CLEC12A: variants seen among roughly 807,000 people sequenced by gnomAD.
CLEC12A encodes the protein C-type lectin protein CLL-1.
Under a neutral mutation model 26.5 loss-of-function variants are expected in CLEC12A, and 22 were observed. The observed-to-expected ratio is 0.83, with a 90% CI of 0.59 to 1.19. The LOEUF is 1.19. Among genes scored for constraint, CLEC12A ranks in the 50% most tolerant of loss-of-function variants. The pLI is 0.00. For missense variants in CLEC12A, 353 were observed against 315.6 expected (o/e 1.12, Z -0.90); for synonymous variants, 119 against 101.9 (o/e 1.17, Z -1.01).
Position 9,980,608 on chromosome 12 carries a change from A to C in CLEC12A, c.406A>C (p.Arg136=). 6.2e-7 allele frequency: 1 copy of C among 1,613,864 alleles called. No individual in the cohort carries two copies. Among genetic ancestry groups the C allele is most frequent in the Non-Finnish European group, 8.5e-7 (1 of 1,179,832 alleles). Residue 136 remains arginine, a synonymous_variant, in exon 4 of 6, where the codon AGA becomes CGA. Transcript: ENST00000304361. ...QEHKCKPCPR[R]WIWHKDSCYF... is the part of the protein sequence containing the mutation. ...GCACAAATGTAAGCCTTGTCCAAGG[A>C]GATGGATTTGGCATAAGGACAGCTG...
intron 4 of CLEC12A, chr12:9,993,087 T>C (rs1250686575): frequency 6.6e-7 from 1 of 1,519,010 alleles, no homozygotes; most frequent in African/African-American, 1.4e-5. Context: ...CATTCATACA[T>C]ATCTTTTATT....
intron 1 of CLEC12A, among the ~76,000 whole-genome samples, chr12:9,972,779 A>C (rs1864178290): frequency 6.6e-6 from 1 of 152,180 alleles, no homozygotes; most frequent in Non-Finnish European, 1.5e-5. Flanking sequence ...CTTCTTTTTT[A>C]ATACTGAAAT....
upstream of CLEC12A, among the ~76,000 whole-genome samples, chr12:9,966,444 G>A (rs1863954031): frequency 6.6e-6 from 1 of 152,168 alleles, no homozygotes; most frequent in African/African-American, 2.4e-5. Flanking sequence ...TTTCCAGTGG[G>A]GTCTTGCACA....
chr12:9,979,739 A>G (rs1864478428), intron 3 of CLEC12A, among the ~76,000 whole-genome samples: 1 of 152,200 alleles, frequency 6.6e-6, no homozygotes, highest in South Asian at 2.1e-4. Flanking sequence ...CCAAATTATC[A>G]GGAGATAATG....
At chr12:9,987,767 T>G (rs1294568223), downstream of CLEC12A, among the ~76,000 whole-genome samples, 1 of 152,074 alleles carries the variant, frequency 6.6e-6, no homozygotes. Flanking sequence ...TTTTGTTTTG[T>G]TTTTAGCCCC....
intron 1 of CLEC12A, among the ~76,000 whole-genome samples, chr12:9,955,139 T>A (rs1170626487): frequency 6.6e-6 from 1 of 152,202 alleles, no homozygotes; most frequent in Non-Finnish European, 1.5e-5. Flanking sequence ...CAGGCTGGAG[T>A]GCAGTGGCCC....
intron 4 of CLEC12A, chr12:9,991,188 A>C (rs1864885399): frequency 6.6e-6 from 1 of 152,202 alleles, no homozygotes; most frequent in Admixed American, 6.6e-5. Flanking sequence ...GACAGAAGTC[A>C]AATTTTGCTG....
At chr12:9,968,241 T>A (rs505594), upstream of CLEC12A, among the ~76,000 whole-genome samples, 87,262 of 151,690 alleles carry the variant, frequency 0.58, 25,398 homozygotes, top group South Asian at 0.72. Flanking sequence ...CCAAGGGAGG[T>A]CCCCTGATCC....
intron 1 of CLEC12A, among the ~76,000 whole-genome samples, chr12:9,956,354 T>C (rs1396862819): frequency 2.6e-5 from 4 of 152,244 alleles, no homozygotes; most frequent in Admixed American, 6.5e-5. Context: ...CATGGAATCA[T>C]ACAATTTGCT....
chr12:9,992,988 G>T, intron 4 of CLEC12A: 2 of 644,006 alleles, frequency 3.1e-6, no homozygotes, highest in East Asian at 2.6e-5. Context: ...ATTCAAAGAA[G>T]GGACTAGGTA....
downstream of CLEC12A, chr12:9,998,249 T>A (rs767930448): frequency 1.9e-6 from 3 of 1,545,888 alleles, no homozygotes; most frequent in Non-Finnish European, 2.7e-6. Flanking sequence ...ATTACCTTCC[T>A]CCAGTCAAAT....
chr12:9,983,679 C>G (rs1286049870), intron 5 of CLEC12A: 3 of 560,276 alleles, frequency 5.4e-6, no homozygotes, highest in East Asian at 2.9e-5. Context: ...TTTAGGCACT[C>G]AGATCCCTGC....
At chr12:9,986,268 A>G (rs1280684043), downstream of CLEC12A, 2 of 314,430 alleles carry the variant, frequency 6.4e-6, no homozygotes, top group East Asian at 1.8e-4. Context: ...TACCAACTAA[A>G]AATACGAAGA....
In CLEC12A at chr12:9,979,472, A is replaced by G; in HGVS notation, c.327A>G (p.Thr109=). The G allele has an allele frequency of 1.2e-6, 2 of 1,613,506 alleles. No homozygotes were observed. Among genetic ancestry groups the G allele is most frequent in the Non-Finnish European group, 1.7e-6 (2 of 1,179,686 alleles). The change falls in exon 3 of 6, where the codon ACA becomes ACG. Residue 109 remains threonine (T), a synonymous_variant. Coordinates refer to ENST00000304361, the MANE Select transcript of CLEC12A (RefSeq NM_138337.6). ...ISNKIRNLST[T]LQTIATKLCR... ...ACAAGATCAGGAACCTCTCCACCAC[A>G]CTGCAAACAATAGCCACCAAATTAT...
At chr12:9,952,465 G>A (rs1395295676) in intron 1 of CLEC12A, 3 of 152,590 alleles carry the variant, frequency 2.0e-5, no homozygotes, top group South Asian at 2.8e-4. Flanking sequence ...ACGGAGTCTC[G>A]TTCACTCAGT....
upstream of CLEC12A, among the ~76,000 whole-genome samples, chr12:9,969,127 T>A (rs1864042302): frequency 6.6e-6 from 1 of 152,088 alleles, no homozygotes; most frequent in African/African-American, 2.4e-5. Flanking sequence ...GATAAGTTGG[T>A]TGGGTACAAA....
intron 1 of CLEC12A, among the ~76,000 whole-genome samples, chr12:9,975,689 T>G (rs1864307074): frequency 1.3e-5 from 2 of 152,216 alleles, no homozygotes; most frequent in South Asian, 2.1e-4. Context: ...CTGAAGAAAT[T>G]TCTAAAGTCA....
chr12:9,955,691 A>G (rs1863732630), intron 1 of CLEC12A, among the ~76,000 whole-genome samples: 1 of 152,212 alleles, frequency 6.6e-6, no homozygotes, highest in African/African-American at 2.4e-5. Context: ...TTCCTAAGCA[A>G]TCAAAAACCC....
intron 1 of CLEC12A, among the ~76,000 whole-genome samples, chr12:9,954,352 G>A (rs912639226): frequency 6.6e-6 from 1 of 151,964 alleles, no homozygotes; most frequent in African/African-American, 2.4e-5. Flanking sequence ...AATATTAGCT[G>A]GGTGTAATGG....
Sources: allele counts gnomAD v4.1 joint callset (sites outside exome capture counted in the v4.1 genomes callset), GRCh38; gene constraint gnomAD v4.1.1; transcripts MANE v1.5; gene names NCBI Gene and HGNC (gene_info 2026-07-23, HGNC 2026-07-21).